KCTD8: variants seen among roughly 807,000 people sequenced by gnomAD.
KCTD8 encodes potassium channel tetramerization domain containing 8.
A neutral mutation model predicts 31.5 loss-of-function variants in KCTD8; 27 were observed. The ratio of observed to expected loss-of-function variants is 0.86; its 90% CI spans 0.63 to 1.18. KCTD8 has a LOEUF of 1.18. Ranked by LOEUF, KCTD8 falls within the 50% of genes most tolerant of loss-of-function variation. The pLI, the probability that KCTD8 is intolerant of heterozygous loss-of-function variation, is 0.00. For synonymous variants in KCTD8, 290 were observed against 280.0 expected, an observed-to-expected ratio of 1.04 and a Z score of -0.36; for missense variants, 658 against 647.7, an observed-to-expected ratio of 1.02 and a Z score of -0.17.
intron 1 of KCTD8, among the ~76,000 whole-genome samples, chr4:44,299,196 G>A (rs1432002576): frequency 6.6e-6 from 1 of 152,110 alleles, no homozygotes; most frequent in Non-Finnish European, 1.5e-5. Flanking sequence ...CCAAAGGTAA[G>A]CATTGCTAAA....
intron 1 of KCTD8, among the ~76,000 whole-genome samples, chr4:44,354,622 T>C (rs1389267706): frequency 6.6e-6 from 1 of 152,126 alleles, no homozygotes; most frequent in Non-Finnish European, 1.5e-5. Context: ...ATTTTCTAAG[T>C]GTTCAGTGCA....
rs202178650 is a variant in KCTD8 at position 44,303,814 on chromosome 4, G to GA, written c.962-128565dup. 9.7e-4 allele frequency among the ~76,000 whole-genome samples: 141 copies of GA among 146,050 alleles called. 1 individual carries two copies. The highest frequency in any genetic ancestry group is 2.6e-3 in the East Asian group (13 of 5,006). ...GGGGACAGAGTGAGACCCTGTCTGA[G>GA]AAAAAAAAAATGAAAAAACTCCTAA... On this transcript the variant is annotated intron_variant, in intron 1 of 1. Transcript: ENST00000360029.
intron 1 of KCTD8, among the ~76,000 whole-genome samples, chr4:44,283,931 G>T (rs1716980255): frequency 6.6e-6 from 1 of 152,080 alleles, no homozygotes; most frequent in Admixed American, 6.5e-5. Flanking sequence ...GAATGTGAAG[G>T]ACCTCTTCAA....
At chr4:44,188,714 A>G (rs1713668549) in intron 1 of KCTD8, among the ~76,000 whole-genome samples, 1 of 152,192 alleles carries the variant, frequency 6.6e-6, no homozygotes, top group South Asian at 2.1e-4. Flanking sequence ...GTAGTGAGAG[A>G]TCTGATACTT....
chr4:44,409,970 C>T lies in KCTD8; in HGVS notation c.961+37593G>A, dbSNP rs180989184. On this transcript the variant is annotated intron_variant, in intron 1 of 1. Coordinates refer to ENST00000360029, the MANE Select transcript of KCTD8 (RefSeq NM_198353.3). ...CAAGTTTCCTCAGCCTTACATATTT[C>T]AATTGCTTCAGGGGTATCACTTTAT... Among the ~76,000 whole-genome samples the T allele has an allele frequency of 9.6e-3, 1,459 of 152,218 alleles. 15 individuals carry two copies. Among genetic ancestry groups the T allele is most frequent in the Non-Finnish European group, 0.013 (852 of 68,014 alleles).
chr4:44,383,707 T>C (rs147734152), intron 1 of KCTD8, among the ~76,000 whole-genome samples: 22 of 151,986 alleles, frequency 1.4e-4, no homozygotes, highest in African/African-American at 4.6e-4. Flanking sequence ...ACCTGAACTA[T>C]GAAACTACTG....
chr4:44,188,870 A>G (rs545454693), intron 1 of KCTD8, among the ~76,000 whole-genome samples: 1 of 152,262 alleles, frequency 6.6e-6, no homozygotes, highest in East Asian at 1.9e-4. Flanking sequence ...TGACACCTTA[A>G]TTTTAGCCTA....
At chr4:44,346,112 T>C (rs536302841) in intron 1 of KCTD8, among the ~76,000 whole-genome samples, 9 of 152,304 alleles carry the variant, frequency 5.9e-5, no homozygotes, top group African/African-American at 2.2e-4. Context: ...GAATAGCTGA[T>C]CAGACTTAGA....
intron 1 of KCTD8, among the ~76,000 whole-genome samples, chr4:44,414,500 G>T (rs1027821232): frequency 6.6e-6 from 1 of 152,060 alleles, no homozygotes; most frequent in African/African-American, 2.4e-5. Context: ...CGAAAGTAGG[G>T]AGCCTAGTTC....
At chr4:44,317,341 G>T (rs1486554226) in intron 1 of KCTD8, among the ~76,000 whole-genome samples, 1 of 133,964 alleles carries the variant, frequency 7.5e-6, no homozygotes, top group Admixed American at 7.8e-5. Flanking sequence ...CCGGGTTCAC[G>T]CCATTCTCCT....
intron 1 of KCTD8, among the ~76,000 whole-genome samples, chr4:44,338,721 G>A (rs534622078): frequency 1.3e-5 from 2 of 152,250 alleles, no homozygotes; most frequent in African/African-American, 4.8e-5. Flanking sequence ...AATTTAACAA[G>A]TGCATGTTTC....
chr4:44,189,833 C>T (rs1247488993), intron 1 of KCTD8, among the ~76,000 whole-genome samples: 1 of 152,232 alleles, frequency 6.6e-6, no homozygotes, highest in South Asian at 2.1e-4. Context: ...CCAGTTCCTC[C>T]TCTTATGCTT....
At chr4:44,403,427 TAAA>T (rs35324683) in intron 1 of KCTD8, among the ~76,000 whole-genome samples, 235 of 144,056 alleles carry the variant, frequency 1.6e-3, no homozygotes, top group Middle Eastern at 0.011. Context: ...GGGCTACCAT[TAAA>T]AAAAAAAAAA....
intron 1 of KCTD8, among the ~76,000 whole-genome samples, chr4:44,209,628 C>A (rs958164829): frequency 1.3e-5 from 2 of 151,856 alleles, no homozygotes; most frequent in African/African-American, 4.8e-5. Flanking sequence ...TATAGACATA[C>A]CAGCATTCAT....
rs116325471 is a variant in KCTD8 at position 44,309,906 on chromosome 4, A to G, written c.962-134656T>C. ...ATTTTAGTTGTAAAATACTAAAATT[A>G]TTTATGCTCACAGTTGCCTTACGCA... is the stretch of plus-strand genomic sequence containing the variant. On this transcript the variant is annotated intron_variant, in intron 1 of 1. Coordinates refer to ENST00000360029, the MANE Select transcript of KCTD8 (RefSeq NM_198353.3). Among the ~76,000 whole-genome samples, 489 of 152,230 alleles carry G rather than the reference A, an allele frequency of 3.2e-3. 4 individuals carry two copies. The highest frequency in any genetic ancestry group is 0.011 in the African/African-American group (465 of 41,548).
At chr4:44,184,535 T>C (rs1440524357) in intron 1 of KCTD8, among the ~76,000 whole-genome samples, 2 of 152,160 alleles carry the variant, frequency 1.3e-5, no homozygotes, top group Non-Finnish European at 2.9e-5. Context: ...ACTCTTCTGA[T>C]ACTCCCTGAA....
intron 1 of KCTD8, among the ~76,000 whole-genome samples, chr4:44,264,183 A>G (rs1217413367): frequency 6.7e-6 from 1 of 149,016 alleles, no homozygotes; most frequent in African/African-American, 2.4e-5. Context: ...TTAGTCCTAA[A>G]TAATAAAGAA....
At chr4:44,346,572 A>G (rs1719042872) in intron 1 of KCTD8, among the ~76,000 whole-genome samples, 1 of 152,182 alleles carries the variant, frequency 6.6e-6, no homozygotes, top group East Asian at 1.9e-4. Flanking sequence ...GCAGACTTCA[A>G]GTTCAAAGAA....
At chr4:44,364,173 A>C (rs1023470236) in intron 1 of KCTD8, among the ~76,000 whole-genome samples, 6 of 152,174 alleles carry the variant, frequency 3.9e-5, no homozygotes, top group African/African-American at 1.4e-4. Flanking sequence ...ATATGTTTGC[A>C]AAACACATAT....
Sources: gnomAD v4.1 joint callset for allele counts (sites outside exome capture counted in the v4.1 genomes callset) on GRCh38, gnomAD v4.1.1 for gene constraint, MANE v1.5 for transcripts, NCBI Gene and HGNC (gene_info 2026-07-23, HGNC 2026-07-21) for gene names.